SLC14A2: variants seen among roughly 807,000 people sequenced by gnomAD.
The protein encoded by SLC14A2 is solute carrier family 14 member 2, also known as urea transporter 2.
A neutral mutation model predicts 104.6 loss-of-function variants in SLC14A2; 91 were observed. The observed-to-expected ratio is 0.87, with a 90% CI of 0.73 to 1.04. The LOEUF (loss-of-function observed/expected upper bound fraction) is 1.04. Among genes scored for constraint, SLC14A2 ranks in the 50% least tolerant of loss-of-function variants. SLC14A2 has a pLI of 0.00. For missense variants in SLC14A2, 1,189 were observed against 1,156.0 expected (o/e 1.03, Z -0.41); for synonymous variants, 476 against 466.4 (o/e 1.02, Z -0.27).
chr18:45,500,533 C>A (rs1043895233), intron 2 of SLC14A2, among the ~76,000 whole-genome samples: 1 of 145,796 alleles, frequency 6.9e-6, no homozygotes, highest in Non-Finnish European at 1.5e-5. Context: ...GCCGAGATCG[C>A]GCCACTGCAC....
intron 1 of SLC14A2, among the ~76,000 whole-genome samples, chr18:45,357,019 A>G (rs1196106429): frequency 6.6e-6 from 1 of 152,084 alleles, no homozygotes; most frequent in Non-Finnish European, 1.5e-5. Context: ...TCTTCACTGG[A>G]TTTTGACTAT....
At chr18:45,300,035 A>G (rs1370737286) in intron 1 of SLC14A2, among the ~76,000 whole-genome samples, 2 of 152,158 alleles carry the variant, frequency 1.3e-5, no homozygotes, top group Non-Finnish European at 2.9e-5. Flanking sequence ...GGAGCCTCTC[A>G]GACATCTTGA....
chr18:45,333,667 C>G (rs1268443513), intron 1 of SLC14A2, among the ~76,000 whole-genome samples: 1 of 152,138 alleles, frequency 6.6e-6, no homozygotes, highest in African/African-American at 2.4e-5. Context: ...GGTGTAAACT[C>G]CTGCTCTGTC....
At position 45,679,120 on chromosome 18, in the gene SLC14A2, T is replaced by A. The variant is rs1304876456; in HGVS notation, c.2562+96T>A. 4.5e-6 allele frequency: 5 copies of A among 1,122,562 alleles called. No individual in the cohort carries two copies. The East Asian group carries it at 1.2e-4, about 27-fold the overall frequency. 69.5% of individuals were successfully genotyped at this position (1,122,562 alleles called of 1,614,324 possible). A position where few individuals can be genotyped will look rare whatever the true frequency, so the allele number is the denominator to read the frequency against. On this transcript the variant is annotated intron_variant, in intron 19 of 19. Transcript: ENST00000255226. The stretch of plus-strand genomic sequence containing the variant: ...CTGAAAACCTCTCTCCTCTAAGAAC[T>A]CTTCCCCAGTTCATCTCCCTTATTT...
chr18:45,683,395 A>C lies in SLC14A2; in HGVS notation c.*876A>C, dbSNP rs1235854351. 6.6e-6 allele frequency: 1 copy of C among 152,214 alleles called. No individual in the cohort carries two copies. The highest frequency in any genetic ancestry group is 2.4e-5 in the African/African-American group (1 of 41,456). The allele number at this position is 152,214 out of a possible 1,614,324, so 9.4% of individuals were successfully genotyped here. The stretch of plus-strand genomic sequence containing the variant: ...TCTCCTATAATCTGATGAAATCAGC[A>C]TGACAACAAGTAATTTAAGTAAAGG... On this transcript the variant is annotated 3_prime_UTR_variant, in exon 20 of 20. Transcript: ENST00000255226.
intron 15 of SLC14A2, among the ~76,000 whole-genome samples, chr18:45,668,844 G>T (rs1005362199): frequency 6.6e-5 from 10 of 152,240 alleles, no homozygotes; most frequent in Admixed American, 4.6e-4. Flanking sequence ...AAATCCTTGG[G>T]ACCCCTGAGC....
intron 1 of SLC14A2, among the ~76,000 whole-genome samples, chr18:45,439,847 C>T (rs1377992406): frequency 6.6e-6 from 1 of 152,106 alleles, no homozygotes; most frequent in Non-Finnish European, 1.5e-5. Flanking sequence ...GCCTTTTACA[C>T]CTGGAAAGTC....
chr18:45,604,493 T>C (rs1843223), intron 2 of SLC14A2, among the ~76,000 whole-genome samples: 112,145 of 152,132 alleles, frequency 0.74, 41,544 homozygotes, highest in East Asian at 0.85. Flanking sequence ...GAGAAACAAC[T>C]CTGCTTTATA....
At chr18:45,311,892 G>A (rs912186190) in intron 1 of SLC14A2, among the ~76,000 whole-genome samples, 18 of 152,200 alleles carry the variant, frequency 1.2e-4, no homozygotes, top group Non-Finnish European at 2.1e-4. Flanking sequence ...CAAGACGTGG[G>A]AGATGAGAGC....
chr18:45,678,332 A>G (rs146220647), intron 18 of SLC14A2, among the ~76,000 whole-genome samples: 1 of 152,362 alleles, frequency 6.6e-6, no homozygotes, highest in Non-Finnish European at 1.5e-5. Context: ...TGGGCACACA[A>G]TAACACACTA....
At chr18:45,310,960 A>G (rs1056583127) in intron 1 of SLC14A2, among the ~76,000 whole-genome samples, 1 of 152,176 alleles carries the variant, frequency 6.6e-6, no homozygotes, top group African/African-American at 2.4e-5. Context: ...GCCTGGGACA[A>G]TGGCTACTAA....
Position 45,411,090 on chromosome 18 carries a change from C to T in SLC14A2, c.-124-72143C>T, listed in dbSNP as rs74761599. ...TGATGTGATAAGAAGCTTGCAGGAA[C>T]CTAACCCTGTATTCCCTTACGAGCA... On this transcript the variant is annotated intron_variant, in intron 1 of 20. Transcript: ENST00000586448. Among the ~76,000 whole-genome samples the T allele has an allele frequency of 6.5e-3, 996 of 152,284 alleles. 9 individuals carry two copies. The highest frequency in any genetic ancestry group is 0.012 in the Non-Finnish European group (783 of 68,026).
intron 1 of SLC14A2, among the ~76,000 whole-genome samples, chr18:45,394,226 T>C (rs912017298): frequency 6.6e-6 from 1 of 152,226 alleles, no homozygotes; most frequent in Non-Finnish European, 1.5e-5. Context: ...CATTCTTCTC[T>C]TGTATATCAA....
At chr18:45,332,487 T>C (rs187968051) in intron 1 of SLC14A2, among the ~76,000 whole-genome samples, 236 of 152,130 alleles carry the variant, frequency 1.6e-3, no homozygotes, top group Admixed American at 2.1e-3. Flanking sequence ...CCGTGGGAGG[T>C]CTTGCCCAAT....
chr18:45,533,568 G>A (rs1181096242), intron 2 of SLC14A2, among the ~76,000 whole-genome samples: 19 of 148,596 alleles, frequency 1.3e-4, no homozygotes, highest in South Asian at 4.3e-4. Context: ...TTTTTATTGC[G>A]TCTATTTGAT....
intron 10 of SLC14A2, among the ~76,000 whole-genome samples, chr18:45,650,746 G>C (rs2045720325): frequency 6.6e-6 from 1 of 151,782 alleles, no homozygotes; most frequent in Admixed American, 6.6e-5. Flanking sequence ...GTCTTGTTTT[G>C]TTTTGTTTTT....
At chr18:45,367,808 C>T (rs905573962) in intron 1 of SLC14A2, among the ~76,000 whole-genome samples, 4 of 152,182 alleles carry the variant, frequency 2.6e-5, no homozygotes, top group Non-Finnish European at 4.4e-5. Flanking sequence ...GCTCTGTTTA[C>T]TCTGCTATAA....
chr18:45,359,471 G>A (rs142300708), intron 1 of SLC14A2, among the ~76,000 whole-genome samples: 57 of 152,268 alleles, frequency 3.7e-4, no homozygotes, highest in Non-Finnish European at 7.4e-4. Context: ...AGGCCTCCCC[G>A]GACAGGCCCA....
chr18:45,195,618 C>T, the SLC14A2 span, among the ~76,000 whole-genome samples: 1 of 152,132 alleles, frequency 6.6e-6, no homozygotes, highest in Non-Finnish European at 1.5e-5. Flanking sequence ...TCTTGAACTC[C>T]TGACCTCGTG....
Sources: gnomAD v4.1 joint callset for allele counts (sites outside exome capture counted in the v4.1 genomes callset) on GRCh38, gnomAD v4.1.1 for gene constraint, MANE v1.5 for transcripts, NCBI Gene and HGNC (gene_info 2026-07-23, HGNC 2026-07-21) for gene names.